Variants in DCLK1 observed in about 807,000 individuals in gnomAD.
DCLK1 encodes serine/threonine-protein kinase DCLK1.
DCLK1 carries 16 observed loss-of-function variants against 86.2 expected under a neutral mutation model. That is an observed-to-expected ratio of 0.19 (90% CI 0.13 to 0.28). DCLK1 has a LOEUF of 0.28. Among genes scored for constraint, DCLK1 ranks in the 10% least tolerant of loss-of-function variants. The probability of loss-of-function intolerance (pLI) is 1.00; values close to 1 mark genes in which losing one functional copy is unlikely to be tolerated. For synonymous variants in DCLK1, 369 were observed against 370.5 expected (o/e 1.00, Z 0.05); for missense variants, 590 against 940.2 (o/e 0.63, Z 4.87).
intron 3 of DCLK1, among the ~76,000 whole-genome samples, chr13:36,019,397 T>C (rs569263521): frequency 6.6e-6 from 1 of 152,326 alleles, no homozygotes; most frequent in East Asian, 1.9e-4. Flanking sequence ...CCTGAAAAAG[T>C]GTAACTGATA....
intron 3 of DCLK1, among the ~76,000 whole-genome samples, chr13:36,083,761 T>C (rs1266574142): frequency 2.6e-5 from 4 of 152,188 alleles, no homozygotes; most frequent in Non-Finnish European, 5.9e-5. Flanking sequence ...ACATCCACTG[T>C]GGTGTAGGTG....
intron 6 of DCLK1, among the ~76,000 whole-genome samples, chr13:35,852,637 T>C (rs1870739641): frequency 6.6e-6 from 1 of 152,184 alleles, no homozygotes; most frequent in Admixed American, 6.5e-5. Context: ...ATGTTAATTA[T>C]ATAAGCCAAT....
intron 3 of DCLK1, among the ~76,000 whole-genome samples, chr13:36,077,729 T>C (rs1430654501): frequency 6.6e-6 from 1 of 152,206 alleles, no homozygotes; most frequent in Non-Finnish European, 1.5e-5. Flanking sequence ...TTTCTACACA[T>C]GTCCCTGTTC....
rs147918525 is a variant in DCLK1, at chr13:36,129,836, A to G, written c.-20+1278T>C. 5.8e-3 allele frequency among the ~76,000 whole-genome samples: 885 copies of G among 151,688 alleles called. 5 individuals carry two copies. The highest frequency in any genetic ancestry group is 0.02 in the African/African-American group (838 of 41,328). On this transcript the variant is annotated intron_variant, in intron 1 of 16. Transcript: ENST00000360631. The stretch of plus-strand genomic sequence containing the variant: ...CAGAGCTTTTCCTATAAATCCTGCC[A>G]TTTCAAGAAACCAACATCCCTGATT...
intron 3 of DCLK1, among the ~76,000 whole-genome samples, chr13:36,067,658 T>C (rs1419842023): frequency 6.6e-6 from 1 of 152,120 alleles, no homozygotes; most frequent in East Asian, 1.9e-4. Context: ...ACTAAGGCCT[T>C]AAGCAGCCCT....
intron 11 of DCLK1, among the ~76,000 whole-genome samples, 174 bp downstream of exon 11, chr13:35,822,555 T>C (rs1227238161): frequency 1.3e-5 from 2 of 152,124 alleles, no homozygotes; most frequent in Admixed American, 1.3e-4. Flanking sequence ...TAAGGGCGCA[T>C]TAACTCATCT....
At chr13:36,035,877 A>C (rs1159257307) in intron 3 of DCLK1, among the ~76,000 whole-genome samples, 3 of 152,206 alleles carry the variant, frequency 2.0e-5, no homozygotes, top group Admixed American at 6.5e-5. Context: ...AAGGTATCAG[A>C]GAGATTAACC....
intron 3 of DCLK1, among the ~76,000 whole-genome samples, chr13:36,014,957 G>A (rs920639334): frequency 1.3e-5 from 2 of 151,150 alleles, no homozygotes; most frequent in Non-Finnish European, 2.9e-5. Flanking sequence ...CCCCTACCAT[G>A]TTCTAATGTG....
At chr13:35,900,675 G>A (rs576507763) in intron 4 of DCLK1, among the ~76,000 whole-genome samples, 1 of 152,312 alleles carries the variant, frequency 6.6e-6, no homozygotes, top group Non-Finnish European at 1.5e-5. Flanking sequence ...TCGGGGAGCT[G>A]TGCATTGAAG....
intron 3 of DCLK1, among the ~76,000 whole-genome samples, chr13:35,963,473 A>G (rs148477401): frequency 6.6e-6 from 1 of 152,316 alleles, no homozygotes; most frequent in East Asian, 1.9e-4. Flanking sequence ...ATTATCAAGA[A>G]TTGGCTTATG....
intron 3 of DCLK1, among the ~76,000 whole-genome samples, chr13:36,108,981 C>T (rs1174155757): frequency 6.6e-6 from 1 of 152,176 alleles, no homozygotes; most frequent in East Asian, 1.9e-4. Context: ...CTTATCAAGC[C>T]TCAGTCTCTG....
chr13:35,925,907 T>C (rs1224246782), intron 4 of DCLK1, among the ~76,000 whole-genome samples: 2 of 152,184 alleles, frequency 1.3e-5, no homozygotes, highest in Non-Finnish European at 1.5e-5. Flanking sequence ...CTGTTAGTGT[T>C]TCCCATGCTT....
At chr13:35,915,014 T>C (rs1302547845) in intron 4 of DCLK1, among the ~76,000 whole-genome samples, 1 of 152,198 alleles carries the variant, frequency 6.6e-6, no homozygotes, top group African/African-American at 2.4e-5. Context: ...AAAAGAAACA[T>C]TTATTGTTGC....
chr13:35,921,490 C>G (rs183670375), intron 4 of DCLK1, among the ~76,000 whole-genome samples: 1 of 152,258 alleles, frequency 6.6e-6, no homozygotes, highest in Admixed American at 6.5e-5. Context: ...AAAACCCAAA[C>G]CTTAGATCCA....
chr13:35,839,316 C>G lies in DCLK1; in HGVS notation c.1036-140G>C, dbSNP rs1011093560. The G allele has an allele frequency of 3.3e-5, 21 of 646,052 alleles. 1 individual carries two copies. The highest frequency in any genetic ancestry group is 4.2e-4 in the Middle Eastern group (1 of 2,392). 40.0% of individuals were successfully genotyped at this position (646,052 alleles called of 1,614,324 possible). A position where few individuals can be genotyped will look rare whatever the true frequency, so the allele number is the denominator to read the frequency against. ...TGATCTTAACACTTGGAAAAAGACGCCTTCAGCATATTCAACTGGGGCCAC... is the reference window on the plus strand; with the variant it reads ...TGATCTTAACACTTGGAAAAAGACGGCTTCAGCATATTCAACTGGGGCCAC... On this transcript the variant is annotated intron_variant, in intron 6 of 16. Transcript: ENST00000360631.
intron 4 of DCLK1, among the ~76,000 whole-genome samples, chr13:35,898,898 T>C (rs1423555682): frequency 1.3e-5 from 2 of 152,102 alleles, no homozygotes; most frequent in African/African-American, 4.8e-5. Flanking sequence ...GGTGCCACCA[T>C]GCCCAGCTAA....
intron 3 of DCLK1, among the ~76,000 whole-genome samples, chr13:36,032,541 G>A (rs1244676514): frequency 6.6e-6 from 1 of 152,148 alleles, no homozygotes; most frequent in Non-Finnish European, 1.5e-5. Context: ...TCTTAGAACT[G>A]CTTTCTAACA....
intron 3 of DCLK1, among the ~76,000 whole-genome samples, chr13:36,058,901 C>A (rs1323644474): frequency 1.3e-5 from 2 of 152,156 alleles, no homozygotes; most frequent in Non-Finnish European, 2.9e-5. Context: ...CCTTATTTTT[C>A]TCAGGAATAA....
At chr13:35,995,992 G>C (rs1593801563) in intron 3 of DCLK1, among the ~76,000 whole-genome samples, 1 of 151,746 alleles carries the variant, frequency 6.6e-6, no homozygotes, top group East Asian at 1.9e-4. Context: ...GCCCAGGCTG[G>C]AGTTAAATAT....
Sources: allele counts gnomAD v4.1 joint callset (sites outside exome capture counted in the v4.1 genomes callset), GRCh38; gene constraint gnomAD v4.1.1; transcripts MANE v1.5; gene names NCBI Gene and HGNC (gene_info 2026-07-23, HGNC 2026-07-21).